TMEM201: variants seen among roughly 807,000 people sequenced by gnomAD.
TMEM201 encodes the protein transmembrane protein 201.
In TMEM201, 26 loss-of-function variants were observed where a neutral mutation model predicts 63.4. The ratio of observed to expected loss-of-function variants is 0.41; its 90% CI spans 0.30 to 0.57. The LOEUF is 0.57. Among genes scored for constraint, TMEM201 ranks in the 20% least tolerant of loss-of-function variants. The pLI, the probability that TMEM201 is intolerant of heterozygous loss-of-function variation, is 0.29. For synonymous variants in TMEM201, 417 were observed against 421.6 expected, an observed-to-expected ratio of 0.99 and a Z score of 0.14; for missense variants, 794 against 917.7, an observed-to-expected ratio of 0.87 and a Z score of 1.74.
chr1:9,598,541 C>T lies in TMEM201; in HGVS notation c.522C>T (p.Tyr174=). Residue 174 remains tyrosine, a synonymous_variant, in exon 4 of 11, where the codon TAC becomes TAT. Coordinates refer to ENST00000340381, the MANE Select transcript of TMEM201 (RefSeq NM_001130924.3). The part of the protein sequence containing the change: ...CRPCQAAVEY[Y]IKHQNRQLRA... ...CGTGCCAAGCGGCTGTGGAGTACTA[C>T]ATCAAGCACCAGAACCGCCAGCTGC... The T allele has an allele frequency of 6.2e-7, 1 of 1,613,812 alleles. No individual in the cohort carries two copies. The highest frequency in any genetic ancestry group is 8.5e-7 in the Non-Finnish European group (1 of 1,180,032).
rs1447489853 is a variant in TMEM201, at chr1:9,604,429, A to G, written c.1160+2157A>G. 3 of 985,216 alleles carry G rather than the reference A, an allele frequency of 3.0e-6. No individual in the cohort carries two copies. Among genetic ancestry groups the G allele is most frequent in the Middle Eastern group, 5.2e-4 (1 of 1,936 alleles). 61.0% of individuals were successfully genotyped at this position (985,216 alleles called of 1,614,324 possible). Reference sequence around the variant, plus strand: ...TTTAAATTATTCATGTGTCCCTTAAAAGTTTCACTACGTGGAGAAAATTCC... The same window carrying G: ...TTTAAATTATTCATGTGTCCCTTAAGAGTTTCACTACGTGGAGAAAATTCC... On this transcript the variant is annotated intron_variant, in intron 6 of 10. Coordinates refer to ENST00000340381, the MANE Select transcript of TMEM201 (RefSeq NM_001130924.3). The surrounding 1 kb of genome is among the most constrained non-coding windows in gnomAD (Gnocchi z 4.1).
At position 9,603,403 on chromosome 1, in the gene TMEM201, C is replaced by T. The variant is rs920218764; in HGVS notation, c.1160+1131C>T. The T allele has an allele frequency of 1.0e-6, 1 of 985,494 alleles. No individual in the cohort carries two copies. The highest frequency in any genetic ancestry group is 1.7e-5 in the African/African-American group (1 of 57,362). 61.0% of individuals were successfully genotyped at this position (985,494 alleles called of 1,614,324 possible). ...GGCTGCCACGTGCAGAGGAAGTTCC[C>T]GGCCTGGGGGCTTTATCCAGGGGTC... is the stretch of plus-strand genomic sequence containing the variant. On this transcript the variant is annotated intron_variant, in intron 6 of 10. Coordinates refer to ENST00000340381, the MANE Select transcript of TMEM201 (RefSeq NM_001130924.3). This position sits in a 1 kb window ranked among gnomAD's most constrained non-coding sequence, Gnocchi z 4.5.
rs1359473655 is a variant in TMEM201, at chr1:9,607,967, G to A, written c.1393+178G>A. Among the ~76,000 whole-genome samples, 1 of 152,228 alleles carries A rather than the reference G, an allele frequency of 6.6e-6. No individual in the cohort carries two copies. Among genetic ancestry groups the A allele is most frequent in the Non-Finnish European group, 1.5e-5 (1 of 68,038 alleles). The stretch of plus-strand genomic sequence containing the variant: ...AAGAAATGGGGCTAGCTAGGAATAG[G>A]TGGCTCATGCCTTTAATCCCAGCAC... On this transcript the variant is annotated intron_variant, in intron 7 of 10. Transcript: ENST00000340381. This position sits in a 1 kb window ranked among gnomAD's most constrained non-coding sequence, Gnocchi z 5.4.
rs1569935597 is a variant in TMEM201, at chr1:9,601,189, A to G, written c.691A>G (p.Thr231Ala). Residue 231 changes from threonine (T) to alanine (A), a missense_variant, in exon 5 of 11, where the codon ACC (threonine) becomes GCC (alanine). Thr to Ala is a moderately conservative substitution (Grantham distance 58, BLOSUM62 0). Transcript: ENST00000340381. ...AFLACAFLLT[T>A]ALYGASGHFA... ...CCTGGCCTGCGCCTTCCTACTGACC[A>G]CCGCGCTGTATGGGGCCAGCGGACA... is the stretch of plus-strand genomic sequence containing the variant. 2 of 1,612,854 alleles carry G rather than the reference A, an allele frequency of 1.2e-6. No individual in the cohort carries two copies. Among genetic ancestry groups the G allele is most frequent in the Non-Finnish European group, 1.7e-6 (2 of 1,179,692 alleles).
intron 2 of TMEM201, among the ~76,000 whole-genome samples, chr1:9,596,388 T>C (rs1355053552): frequency 6.6e-6 from 1 of 152,252 alleles, no homozygotes; most frequent in Admixed American, 6.5e-5. Context: ...TTTTAAGCTT[T>C]GGAAGCCATT....
In TMEM201 at chr1:9,603,488, C is replaced by T. The variant is rs1420034460; in HGVS notation, c.1160+1216C>T. 1.0e-6 allele frequency: 1 copy of T among 985,498 alleles called. No individual in the cohort carries two copies. Among genetic ancestry groups the T allele is most frequent in the African/African-American group, 1.7e-5 (1 of 57,358 alleles). The allele number at this position is 985,498 out of a possible 1,614,324, so 61.0% of individuals were successfully genotyped here. ...GGCATGTTCCCTCTGGCTGCCCACT[C>T]CCTCAGGGCCCACATGTCCTGCCAC... On this transcript the variant is annotated intron_variant, in intron 6 of 10. Transcript: ENST00000340381. This position sits in a 1 kb window ranked among gnomAD's most constrained non-coding sequence, Gnocchi z 4.5.
Position 9,601,421 on chromosome 1 carries a change from G to A in TMEM201, c.923G>A (p.Cys308Tyr), listed in dbSNP as rs769967319. The change falls in exon 5 of 11, where the codon TGC becomes TAC. Residue 308 changes from cysteine to tyrosine, a missense_variant. Transcript: ENST00000340381. ...TGVVALGLLT[C>Y]LLAMLLAGRI... ...GTCGTGGCACTGGGCCTACTCACCT[G>A]CCTGCTGGCAATGCTGCTGGCTGGC... 6.3e-7 allele frequency: 1 copy of A among 1,595,166 alleles called. No individual in the cohort carries two copies. Among genetic ancestry groups the A allele is most frequent in the South Asian group, 1.1e-5 (1 of 90,742 alleles).
chr1:9,609,771 G>T (rs1644295307), intron 7 of TMEM201, 69 bp from the exon 8 acceptor site: 1 of 1,445,802 alleles, frequency 6.9e-7, no homozygotes, highest in African/African-American at 1.4e-5. Flanking sequence ...GATTTCGGCA[G>T]AGCATTTGTG....
chr1:9,607,868 G>T lies in TMEM201; in HGVS notation c.1393+79G>T. ...GAACTGTGGATGGGTACATAGTGTA[G>T]GGAGGGCCGGGAGTGGTTAGTGTTC... On this transcript the variant is annotated intron_variant, in intron 7 of 10. Transcript: ENST00000340381. The surrounding 1 kb of genome is among the most constrained non-coding windows in gnomAD (Gnocchi z 5.4). 2 of 1,313,508 alleles carry T rather than the reference G, an allele frequency of 1.5e-6. No individual in the cohort carries two copies. Among genetic ancestry groups the T allele is most frequent in the Non-Finnish European group, 2.1e-6 (2 of 958,920 alleles). The allele number at this position is 1,313,508 out of a possible 1,614,324, so 81.4% of individuals were successfully genotyped here.
In TMEM201 at chr1:9,598,608, G is replaced by A. The variant is rs765631221; in HGVS notation, c.589G>A (p.Asp197Asn). The change falls in exon 4 of 11, where the codon GAC becomes AAC. Residue 197 changes from aspartate to asparagine, a missense_variant. By Grantham distance (23) the Asp-to-Asn change is conservative. Transcript: ENST00000340381. The stretch of plus-strand genomic sequence containing the variant: ...CCACCAGTTCAAGCGCCGGGAGGCC[G>A]ACCAGACCCACGCACAGGTGAGAGG... ...LSHQFKRREA[D>N]QTHAQNFSSA... 3.3e-5 allele frequency: 53 copies of A among 1,613,106 alleles called. No homozygotes were observed. Among genetic ancestry groups the A allele is most frequent in the Admixed American group, 6.7e-5 (4 of 60,006 alleles).
At chr1:9,593,073 T>C (rs1176649687) in intron 1 of TMEM201, among the ~76,000 whole-genome samples, 1 of 152,202 alleles carries the variant, frequency 6.6e-6, no homozygotes, top group Non-Finnish European at 1.5e-5. Context: ...AGAAGTGGGC[T>C]GAGGGGTTTA....
intron 6 of TMEM201, chr1:9,602,675 G>A: frequency 2.7e-6 from 3 of 1,118,856 alleles, no homozygotes; most frequent in African/African-American, 1.6e-5. Context: ...GAGGGTCCTG[G>A]TCCTGCTGTC....
At chr1:9,589,740 A>G (rs1643889142) in intron 1 of TMEM201, among the ~76,000 whole-genome samples, 1 of 152,240 alleles carries the variant, frequency 6.6e-6, no homozygotes, top group South Asian at 2.1e-4. Flanking sequence ...ATAAAAGCTT[A>G]GTGGCCTGTT....
Position 9,601,234 on chromosome 1 carries a change from G to A in TMEM201, c.736G>A (p.Val246Met). The stretch of plus-strand genomic sequence containing the variant: ...CGGACACTTCGCCCCAGGCACCACT[G>A]TGCCCCTGGCCCTGCCACCTGGTGG... ...ASGHFAPGTTVPLALPPGGNG... is the reference protein window; with the variant it reads ...ASGHFAPGTTMPLALPPGGNG... Residue 246 changes from valine to methionine, a missense_variant, in exon 5 of 11, where the codon GTG becomes ATG. By Grantham distance (21) the Val-to-Met change is conservative. Coordinates refer to ENST00000340381, the MANE Select transcript of TMEM201 (RefSeq NM_001130924.3). 6.2e-7 allele frequency: 1 copy of A among 1,611,848 alleles called. No individual in the cohort carries two copies. The highest frequency in any genetic ancestry group is 8.5e-7 in the Non-Finnish European group (1 of 1,179,848).
chr1:9,592,074 G>A (rs1449992606), intron 1 of TMEM201, among the ~76,000 whole-genome samples: 1 of 152,238 alleles, frequency 6.6e-6, no homozygotes, highest in Non-Finnish European at 1.5e-5. Context: ...GTGGATTGGG[G>A]CGTTTTCCAT....
intron 10 of TMEM201, among the ~76,000 whole-genome samples, chr1:9,612,417 T>G (rs1644337481): frequency 6.6e-6 from 1 of 152,132 alleles, no homozygotes; most frequent in South Asian, 2.1e-4. Flanking sequence ...AGATCTGTGG[T>G]ACACATCATC....
chr1:9,595,767 C>A (rs1644006260), intron 1 of TMEM201, 123 bp from the exon 2 acceptor site: 2 of 1,430,746 alleles, frequency 1.4e-6, no homozygotes, highest in Non-Finnish European at 1.9e-6. Flanking sequence ...AGCTTTGCAT[C>A]CCCAGATCCC....
Position 9,608,598 on chromosome 1 carries a change from G to A in TMEM201, c.1393+809G>A, listed in dbSNP as rs1644279656. On this transcript the variant is annotated intron_variant, in intron 7 of 10. Coordinates refer to ENST00000340381, the MANE Select transcript of TMEM201 (RefSeq NM_001130924.3). This position sits in a 1 kb window ranked among gnomAD's most constrained non-coding sequence, Gnocchi z 4.3. ...CACTTGAATGGAACTTGGGGTGGGAGGTGCCAGGAGCAGCCCTGCCCTGGG... is the reference window on the plus strand; with the variant it reads ...CACTTGAATGGAACTTGGGGTGGGAAGTGCCAGGAGCAGCCCTGCCCTGGG... 6.6e-6 allele frequency among the ~76,000 whole-genome samples: 1 copy of A among 152,204 alleles called. No individual in the cohort carries two copies. The highest frequency in any genetic ancestry group is 2.4e-5 in the African/African-American group (1 of 41,432).
rs1396728993 is a variant in TMEM201 at position 9,605,586 on chromosome 1, T to C, written c.1161-1971T>C. Among the ~76,000 whole-genome samples, 1 of 152,002 alleles carries C rather than the reference T, an allele frequency of 6.6e-6. No homozygotes were observed. The highest frequency in any genetic ancestry group is 1.5e-5 in the Non-Finnish European group (1 of 68,034). ...GCCCAGCCCCTCATGCCCAGCCCTG[T>C]GAGCGATTTACGAGGTCTTGCTGGT... On this transcript the variant is annotated intron_variant, in intron 6 of 10. Coordinates refer to ENST00000340381, the MANE Select transcript of TMEM201 (RefSeq NM_001130924.3). This position sits in a 1 kb window ranked among gnomAD's most constrained non-coding sequence, Gnocchi z 5.7.
Sources: gnomAD v4.1 joint callset for allele counts (sites outside exome capture counted in the v4.1 genomes callset) on GRCh38, gnomAD v4.1.1 for gene constraint, Gnocchi (gnomAD v3.1) non-coding constraint, MANE v1.5 for transcripts, NCBI Gene and HGNC (gene_info 2026-07-23, HGNC 2026-07-21) for gene names.